HSPG2: variants seen among roughly 807,000 people sequenced by gnomAD.
The protein encoded by HSPG2 is basement membrane-specific heparan sulfate proteoglycan core protein.
HSPG2 carries 278 observed loss-of-function variants against 526.6 expected under a neutral mutation model. That is an observed-to-expected ratio of 0.53 (90% CI 0.48 to 0.58). The LOEUF (loss-of-function observed/expected upper bound fraction) is 0.58. HSPG2 is among the 20% of genes least tolerant of loss of function. The probability of loss-of-function intolerance (pLI) is 0.00; values close to 1 mark genes in which losing one functional copy is unlikely to be tolerated. For synonymous variants in HSPG2, 2,465 were observed against 2,555.4 expected (o/e 0.96, Z 1.07); for missense variants, 5,354 against 6,099.5 (o/e 0.88, Z 4.07).
intron 3 of HSPG2, among the ~76,000 whole-genome samples, chr1:21,894,344 G>A (rs1392760199): frequency 2.0e-5 from 3 of 152,156 alleles, no homozygotes; most frequent in South Asian, 2.1e-4. Context: ...GCTCATGGGC[G>A]CAGTGGGGGC....
At position 21,839,523 on chromosome 1, in the gene HSPG2, G is replaced by T. The variant is rs747855776; in HGVS notation, c.9737C>A (p.Ser3246Tyr). The T allele has an allele frequency of 9.9e-6, 16 of 1,613,976 alleles. No individual in the cohort carries two copies. The highest frequency in any genetic ancestry group is 1.3e-5 in the Non-Finnish European group (15 of 1,180,014). Residue 3246 changes from serine to tyrosine, a missense_variant, in exon 73 of 97, where the codon TCC (serine) becomes TAC (tyrosine). Coordinates refer to ENST00000374695, the MANE Select transcript of HSPG2 (RefSeq NM_005529.7). The surrounding 1 kb of genome is among the most constrained non-coding windows in gnomAD (Gnocchi z 4.5). The part of the protein sequence containing the change: ...TGSPAPTIHW[S>Y]KLRSPLPWQH... ...CCAGGGCAGTGGGGAACGCAGCTTG[G>T]ACCAGTGGATGGTGGGCGCGGGGCT... is the stretch of plus-strand genomic sequence containing the variant.
At position 21,847,274 on chromosome 1, in the gene HSPG2, G is replaced by GAGGACT; in HGVS notation, c.8164+74_8164+79dup. ...CCCTTGCCTGAGTACCACCAGGTCT[G>GAGGACT]AGGACTCTGACCTGAAAGTTCCTTC... On this transcript the variant is annotated intron_variant, in intron 62 of 96. Coordinates refer to ENST00000374695, the MANE Select transcript of HSPG2 (RefSeq NM_005529.7). The surrounding 1 kb of genome is among the most constrained non-coding windows in gnomAD (Gnocchi z 4.1). The GAGGACT allele has an allele frequency of 6.5e-6, 10 of 1,541,392 alleles. No individual in the cohort carries two copies. Among genetic ancestry groups the GAGGACT allele is most frequent in the Non-Finnish European group, 9.0e-6 (10 of 1,116,810 alleles).
chr1:21,935,902 G>A (rs1181111924), intron 1 of HSPG2, among the ~76,000 whole-genome samples: 1 of 152,028 alleles, frequency 6.6e-6, no homozygotes, highest in Non-Finnish European at 1.5e-5. Context: ...GGGGATGGGG[G>A]AGGAGAAGTG....
intron 64 of HSPG2, among the ~76,000 whole-genome samples, chr1:21,845,075 G>A (rs1339346200): frequency 1.3e-5 from 2 of 152,054 alleles, no homozygotes; most frequent in South Asian, 2.1e-4. Flanking sequence ...GTGAAACCCC[G>A]TCTCTACTAA....
chr1:21,852,183 C>T lies in HSPG2; in HGVS notation c.6775G>A (p.Gly2259Ser). 1 of 1,614,098 alleles carries T rather than the reference C, an allele frequency of 6.2e-7. No individual in the cohort carries two copies. Residue 2259 changes from glycine (G) to serine (S), a missense_variant, in exon 53 of 97, where the codon GGC becomes AGC. Transcript: ENST00000374695. ...IESSSSTVAEGQTLDLSCVVA... is the reference protein window; with the variant it reads ...IESSSSTVAESQTLDLSCVVA... The stretch of plus-strand genomic sequence containing the variant: ...ACGCAGCTCAGATCCAGGGTCTGGC[C>T]CTCGGCCACTGTGGAGGATGAAGAC...
intron 1 of HSPG2, among the ~76,000 whole-genome samples, chr1:21,901,308 A>G (rs1244309676): frequency 2.0e-5 from 3 of 152,082 alleles, no homozygotes; most frequent in Non-Finnish European, 4.4e-5. Context: ...CTTATACAGT[A>G]AGTGCTTAAT....
intron 1 of HSPG2, among the ~76,000 whole-genome samples, chr1:21,917,631 C>T (rs1643920451): frequency 6.6e-6 from 1 of 152,112 alleles, no homozygotes; most frequent in African/African-American, 2.4e-5. Context: ...AAGAACTGGA[C>T]GACACCCACT....
rs1232154678 is a variant in HSPG2 at position 21,858,929 on chromosome 1, G to A, written c.5293+637C>T. Among the ~76,000 whole-genome samples, 2 of 152,162 alleles carry A rather than the reference G, an allele frequency of 1.3e-5. No individual in the cohort carries two copies. Among genetic ancestry groups the A allele is most frequent in the African/African-American group, 4.8e-5 (2 of 41,432 alleles). On this transcript the variant is annotated intron_variant, in intron 42 of 96. Coordinates refer to ENST00000374695, the MANE Select transcript of HSPG2 (RefSeq NM_005529.7). This position sits in a 1 kb window ranked among gnomAD's most constrained non-coding sequence, Gnocchi z 4.2. ...GCTCCCTTTAAAAGCTTCCTCGGTTGTACTAAGCAACAACTGCTCACGGTG... is the reference window on the plus strand; with the variant it reads ...GCTCCCTTTAAAAGCTTCCTCGGTTATACTAAGCAACAACTGCTCACGGTG...
intron 67 of HSPG2, 106 bp downstream of exon 67, chr1:21,842,664 C>T (rs2098053837): frequency 6.8e-7 from 1 of 1,470,850 alleles, no homozygotes; most frequent in East Asian, 2.3e-5. Flanking sequence ...ATTTTATCCC[C>T]TGGGGTCCCC....
chr1:21,831,366 C>T, intron 83 of HSPG2, 42 bp from the exon 84 acceptor site: 2 of 1,604,490 alleles, frequency 1.2e-6, no homozygotes, highest in Non-Finnish European at 1.7e-6. Context: ...GCAGGGTGTC[C>T]CAGCCCATAC....
At chr1:21,866,913 G>C (rs1028914047) in intron 33 of HSPG2, among the ~76,000 whole-genome samples, 7 of 152,194 alleles carry the variant, frequency 4.6e-5, no homozygotes, top group African/African-American at 1.7e-4. Flanking sequence ...TCAAGGCATG[G>C]TAAGGAATTT....
In HSPG2 at chr1:21,895,841, G is replaced by T. The variant is rs1043917818; in HGVS notation, c.244+81C>A. 4.5e-6 allele frequency: 6 copies of T among 1,326,122 alleles called. No individual in the cohort carries two copies. The African/African-American group carries it at 8.6e-5, about 19-fold the overall frequency. 82.1% of individuals were successfully genotyped at this position (1,326,122 alleles called of 1,614,324 possible). A position where few individuals can be genotyped will look rare whatever the true frequency, so the allele number is the denominator to read the frequency against. On this transcript the variant is annotated intron_variant, in intron 3 of 96. Transcript: ENST00000374695. The surrounding 1 kb of genome is among the most constrained non-coding windows in gnomAD (Gnocchi z 4.1). ...CTTTGTACCCCAGGGCAGGCCCAAG[G>T]AGCCCTCAGCCCAGGAGACTGGCTC...
At position 21,855,454 on chromosome 1, in the gene HSPG2, C is replaced by CA. The variant is rs2152724968; in HGVS notation, c.5855-9dup. ...CTCTGGGCCCACCGCCCCCTGCAGA[C>CA]AGAGTCCTGTGAGAACACGCCCTGG... On this transcript the variant is annotated splice_polypyrimidine_tract_variant and intron_variant, in intron 46 of 96. Coordinates refer to ENST00000374695, the MANE Select transcript of HSPG2 (RefSeq NM_005529.7). 1.2e-6 allele frequency: 2 copies of CA among 1,613,090 alleles called. No individual in the cohort carries two copies. The highest frequency in any genetic ancestry group is 2.2e-5 in the South Asian group (2 of 90,944).
chr1:21,851,696 A>C lies in HSPG2; in HGVS notation c.7008T>G (p.Pro2336=). The change falls in exon 55 of 97, where the codon CCT becomes CCG. Residue 2336 remains proline (P), a splice_region_variant and synonymous_variant. Coordinates refer to ENST00000374695, the MANE Select transcript of HSPG2 (RefSeq NM_005529.7). The part of the protein sequence containing the change: ...TGTQGANLAY[P]AGSTQPIRIE... ...TGCGGATGGGCTGGGTGCTGCCGGC[A>C]GCTGAGGGATAAGATGGTCACCGGT... The C allele has an allele frequency of 6.2e-7, 1 of 1,613,962 alleles. No homozygotes were observed. Among genetic ancestry groups the C allele is most frequent in the East Asian group, 2.2e-5 (1 of 44,862 alleles).
intron 33 of HSPG2, chr1:21,869,687 C>T (rs529569860): frequency 3.1e-4 from 304 of 986,122 alleles, no homozygotes; most frequent in South Asian, 4.2e-4. Flanking sequence ...AGCCGAAGAG[C>T]GGCAGAAGGG....
chr1:21,865,865 C>T lies in HSPG2; in HGVS notation c.4222-56G>A, dbSNP rs368063016. On this transcript the variant is annotated intron_variant, in intron 33 of 96. Coordinates refer to ENST00000374695, the MANE Select transcript of HSPG2 (RefSeq NM_005529.7). The surrounding 1 kb of genome is among the most constrained non-coding windows in gnomAD (Gnocchi z 5.4). ...CTGACCTTGGGGTGTGAGTGTTGGA[C>T]CATATAGGTGAGGGATGGAGCATCT... 3.7e-4 allele frequency: 502 copies of T among 1,352,202 alleles called. 2 individuals are homozygous for T. The African/African-American group carries it at 6.1e-3, about 16-fold the overall frequency. 83.8% of individuals were successfully genotyped at this position (1,352,202 alleles called of 1,614,324 possible). A position where few individuals can be genotyped will look rare whatever the true frequency, so the allele number is the denominator to read the frequency against.
intron 1 of HSPG2, among the ~76,000 whole-genome samples, chr1:21,911,525 G>A (rs1259201530): frequency 6.6e-6 from 1 of 152,178 alleles, no homozygotes; most frequent in Admixed American, 6.5e-5. Flanking sequence ...GCTGTCAACT[G>A]CTCAAGCCTC....
chr1:21,885,030 G>A lies in HSPG2; in HGVS notation c.1338C>T (p.His446=). The change falls in exon 11 of 97, where the codon CAC becomes CAT. Residue 446 remains histidine, a synonymous_variant. Transcript: ENST00000374695. ...PIINWRLNWG[H]IPSHPRVTVT... ...AGCCGCACCTGGGATGAGAGGGGAT[G>A]TGGCCCCAGTTGAGCCTCCAATTGA... is the stretch of plus-strand genomic sequence containing the variant. 1 of 1,613,986 alleles carries A rather than the reference G, an allele frequency of 6.2e-7. No individual in the cohort carries two copies. The highest frequency in any genetic ancestry group is 2.2e-5 in the East Asian group (1 of 44,870).
At chr1:21,852,655 C>A (rs1449594338) in intron 52 of HSPG2, 45 bp downstream of exon 52, 4 of 1,611,716 alleles carry the variant, frequency 2.5e-6, no homozygotes, top group Non-Finnish European at 3.4e-6. Context: ...ACCCCGGAGG[C>A]CTCTCTGCCT....
Sources: allele counts gnomAD v4.1 joint callset (sites outside exome capture counted in the v4.1 genomes callset), GRCh38; gene constraint gnomAD v4.1.1; non-coding constraint Gnocchi (gnomAD v3.1); transcripts MANE v1.5; gene names NCBI Gene and HGNC (gene_info 2026-07-23, HGNC 2026-07-21).